The following LIPG variants were observed in gnomAD, a reference collection of about 807,000 sequenced individuals.
LIPG encodes the protein lipase G, endothelial type.
LIPG carries 34 observed loss-of-function variants against 51.8 expected under a neutral mutation model. That is an observed-to-expected ratio of 0.66 (90% CI 0.50 to 0.87). LIPG has a LOEUF of 0.87. Among genes scored for constraint, LIPG ranks in the 40% least tolerant of loss-of-function variants. The pLI, the probability that LIPG is intolerant of heterozygous loss-of-function variation, is 0.00. For synonymous variants in LIPG, 246 were observed against 246.1 expected (o/e 1.00, Z 0.00); for missense variants, 580 against 652.7 (o/e 0.89, Z 1.21).
rs750529597 is a variant in LIPG, at chr18:49,565,430, A to C, written c.211A>C (p.Ser71Arg). Reference protein sequence around the residue: ...HEGCYLSVGHSQPLEDCSFNM... With the variant: ...HEGCYLSVGHRQPLEDCSFNM... Reference sequence around the variant, plus strand: ...AGGATGCTACCTCTCCGTCGGCCACAGCCAGCCCTTAGAAGACTGCAGTTT... The same window carrying C: ...AGGATGCTACCTCTCCGTCGGCCACCGCCAGCCCTTAGAAGACTGCAGTTT... Residue 71 changes from serine (S) to arginine (R), a missense_variant, in exon 2 of 10, where the codon AGC becomes CGC. By Grantham distance (110) the Ser-to-Arg change is moderately radical (BLOSUM62 -1). Coordinates refer to ENST00000261292, the MANE Select transcript of LIPG (RefSeq NM_006033.4). 2 of 1,614,134 alleles carry C rather than the reference A, an allele frequency of 1.2e-6. No individual in the cohort carries two copies. The highest frequency in any genetic ancestry group is 1.7e-6 in the Non-Finnish European group (2 of 1,180,056).
In LIPG at chr18:49,595,794, C is replaced by G. The variant is rs2084979548; in HGVS notation, c.*5272C>G. 6.6e-6 allele frequency: 1 copy of G among 152,112 alleles called. No individual in the cohort carries two copies. The highest frequency in any genetic ancestry group is 2.4e-5 in the African/African-American group (1 of 41,422). The allele number at this position is 152,112 out of a possible 1,614,324, so 9.4% of individuals were successfully genotyped here. On this transcript the variant is annotated 3_prime_UTR_variant, in exon 10 of 10. Coordinates refer to ENST00000261292, the MANE Select transcript of LIPG (RefSeq NM_006033.4). ...AGTGAGCTGAGATCACGCCACTGCACTCCAGCCTAGGCAACTGAGTGAGAC... is the reference window on the plus strand; with the variant it reads ...AGTGAGCTGAGATCACGCCACTGCAGTCCAGCCTAGGCAACTGAGTGAGAC...
At position 49,569,476 on chromosome 18, in the gene LIPG, G is replaced by T. The variant is rs889125342; in HGVS notation, c.499G>T (p.Gly167Cys). ...TTCTCTCGGGAATGTCCACTTGATC[G>T]GCTACAGCCTCGGAGCGCACGTGGC... ...DFSLGNVHLI[G>C]YSLGAHVAGY... Residue 167 changes from glycine (G) to cysteine (C), a missense_variant, in exon 4 of 10, where the codon GGC becomes TGC. Gly to Cys is a radical substitution (Grantham distance 159). Coordinates refer to ENST00000261292, the MANE Select transcript of LIPG (RefSeq NM_006033.4). The T allele has an allele frequency of 6.2e-7, 1 of 1,614,168 alleles. No homozygotes were observed. Among genetic ancestry groups the T allele is most frequent in the Non-Finnish European group, 8.5e-7 (1 of 1,180,042 alleles).
At chr18:49,579,779 T>C (rs139349596) in intron 5 of LIPG, among the ~76,000 whole-genome samples, 768 of 47,778 alleles carry the variant, frequency 0.016, 10 homozygotes, top group South Asian at 0.14. Flanking sequence ...TTTTCTTTTC[T>C]TTTCTTTTCT....
At position 49,578,060 on chromosome 18, in the gene LIPG, G is replaced by A. The variant is rs1176691452; in HGVS notation, c.793+2470G>A. The stretch of plus-strand genomic sequence containing the variant: ...TCCCTCCCGGATGGCACGGCTGGCC[G>A]GGCGGGGGGGCTGGCCCCCCACCTC... On this transcript the variant is annotated intron_variant, in intron 5 of 9. Coordinates refer to ENST00000261292, the MANE Select transcript of LIPG (RefSeq NM_006033.4). Among the ~76,000 whole-genome samples the A allele has an allele frequency of 6.9e-5, 10 of 145,216 alleles. No homozygotes were observed. The South Asian group carries it at 1.7e-3, about 25-fold the overall frequency.
chr18:49,570,166 G>A (rs1363559052), intron 4 of LIPG, among the ~76,000 whole-genome samples: 2 of 152,168 alleles, frequency 1.3e-5, no homozygotes, highest in African/African-American at 4.8e-5. Flanking sequence ...ATTTGGAAAG[G>A]GTGGTTCAAC....
intron 5 of LIPG, among the ~76,000 whole-genome samples, chr18:49,578,882 CGTGCCTGCAATCGCAGGCA>C (rs2084767111): frequency 1.3e-5 from 1 of 76,174 alleles, no homozygotes; most frequent in Non-Finnish European, 2.9e-5. Context: ...CGTGGTGGCG[CGTGCCTGCAATCGCAGGCA>C]CTCGGCAGGC....
At chr18:49,583,995 G>T (rs1445543753) in intron 8 of LIPG, among the ~76,000 whole-genome samples, 1 of 152,192 alleles carries the variant, frequency 6.6e-6, no homozygotes, top group Non-Finnish European at 1.5e-5. Flanking sequence ...AGGGAGACGG[G>T]TGGGCCAGTG....
At chr18:49,579,792 T>TCCTCCCCTCCCCTCCCCTCC (rs1568533574) in intron 5 of LIPG, among the ~76,000 whole-genome samples, 1 of 139,658 alleles carries the variant, frequency 7.2e-6, no homozygotes, top group African/African-American at 3.1e-5. Flanking sequence ...TCTTTTCTTT[T>TCCTCCCCTCCCCTCCCCTCC]CTTTTCTTTT....
At chr18:49,581,128 C>T (rs1350196276) in intron 5 of LIPG, among the ~76,000 whole-genome samples, 1 of 152,096 alleles carries the variant, frequency 6.6e-6, no homozygotes, top group African/African-American at 2.4e-5. Flanking sequence ...GTGTGGTGGT[C>T]ATGTGCCTGT....
intron 4 of LIPG, among the ~76,000 whole-genome samples, chr18:49,570,466 C>CAA (rs1243672901): frequency 1.3e-5 from 2 of 152,160 alleles, no homozygotes; most frequent in African/African-American, 4.8e-5. Context: ...CCCTTACTCC[C>CAA]AAGATTCTAA....
At chr18:49,581,095 C>T (rs573412072) in intron 5 of LIPG, among the ~76,000 whole-genome samples, 3 of 152,188 alleles carry the variant, frequency 2.0e-5, no homozygotes, top group Non-Finnish European at 4.4e-5. Flanking sequence ...CCTGTATCTA[C>T]AAAAACTACA....
intron 5 of LIPG, among the ~76,000 whole-genome samples, chr18:49,577,844 G>T (rs2084742205): frequency 1.8e-5 from 2 of 112,664 alleles, no homozygotes; most frequent in African/African-American, 3.9e-5. Flanking sequence ...GGGTGGGGGG[G>T]CTGACCCCCC....
intron 4 of LIPG, among the ~76,000 whole-genome samples, chr18:49,571,636 C>A (rs2148849388): frequency 6.6e-6 from 1 of 152,274 alleles, no homozygotes; most frequent in Admixed American, 6.5e-5. Context: ...ATGGGGGAGG[C>A]TGCGTCCTCT....
intron 3 of LIPG, among the ~76,000 whole-genome samples, chr18:49,568,697 GT>G (rs761453310): frequency 5.9e-5 from 9 of 152,128 alleles, no homozygotes; most frequent in Non-Finnish European, 1.2e-4. Context: ...CTTTTAATAG[GT>G]TAATAATCTG....
intron 3 of LIPG, among the ~76,000 whole-genome samples, chr18:49,569,183 A>C (rs1354753888): frequency 6.6e-6 from 1 of 151,966 alleles, no homozygotes. Flanking sequence ...CCACATATGC[A>C]GCCTCCAGTC....
At chr18:49,562,589 C>T (rs1285336179) in intron 1 of LIPG, among the ~76,000 whole-genome samples, 184 bp downstream of exon 1, 1 of 152,226 alleles carries the variant, frequency 6.6e-6, no homozygotes, top group African/African-American at 2.4e-5. Flanking sequence ...GGGGCATTCC[C>T]GGCAAGTCAT....
At chr18:49,590,173 T>TTGTGTGTG (rs57137391) in intron 9 of LIPG, 5,874 of 371,628 alleles carry the variant, frequency 0.016, 39 homozygotes, top group East Asian at 0.035. Context: ...GTGTCCATGA[T>TTGTGTGTG]TGTGTGTGTG....
chr18:49,584,057 A>T (rs542786064), intron 8 of LIPG, among the ~76,000 whole-genome samples: 183 of 152,182 alleles, frequency 1.2e-3, no homozygotes, highest in African/African-American at 4.2e-3. Flanking sequence ...GTCAGCCTGG[A>T]GGAGGGGGAC....
In LIPG at chr18:49,593,439, A is replaced by G. The variant is rs1303314462; in HGVS notation, c.*2917A>G. 1 of 152,226 alleles carries G rather than the reference A, an allele frequency of 6.6e-6. No homozygotes were observed. The highest frequency in any genetic ancestry group is 2.1e-4 in the South Asian group (1 of 4,836). The allele number at this position is 152,226 out of a possible 1,614,324, so 9.4% of individuals were successfully genotyped here. On this transcript the variant is annotated 3_prime_UTR_variant, in exon 10 of 10. Coordinates refer to ENST00000261292, the MANE Select transcript of LIPG (RefSeq NM_006033.4). ...CAATTGTAGCAGCTTGAAGGCCTGA[A>G]GGTGGATGTTAGGAAGAACAGGGAG...
Sources: allele counts gnomAD v4.1 joint callset (sites outside exome capture counted in the v4.1 genomes callset), GRCh38; gene constraint gnomAD v4.1.1; transcripts MANE v1.5; gene names NCBI Gene and HGNC (gene_info 2026-07-23, HGNC 2026-07-21).